Variants in UGT8 observed in about 807,000 individuals in gnomAD.
UGT8 encodes the protein 2-hydroxyacylsphingosine 1-beta-galactosyltransferase.
Under a neutral mutation model 40.5 loss-of-function variants are expected in UGT8, and 12 were observed. The ratio of observed to expected loss-of-function variants is 0.30; its 90% CI spans 0.19 to 0.48. The LOEUF is 0.48. Among genes scored for constraint, UGT8 ranks in the 20% least tolerant of loss-of-function variants. The pLI is 0.99. For missense variants in UGT8, 513 were observed against 648.7 expected (o/e 0.79, Z 2.27); for synonymous variants, 224 against 240.4 (o/e 0.93, Z 0.63).
chr4:114,651,628 G>A (rs909104353), intron 2 of UGT8, among the ~76,000 whole-genome samples: 1 of 152,058 alleles, frequency 6.6e-6, no homozygotes, highest in Non-Finnish European at 1.5e-5. Context: ...CATATGCAGA[G>A]AATCTGTCAT....
In UGT8 at chr4:114,649,114, G is replaced by T. The variant is rs74667782; in HGVS notation, c.823-14881G>T. 9.9e-5 allele frequency among the ~76,000 whole-genome samples: 15 copies of T among 152,268 alleles called. No homozygotes were observed. In the East Asian group the frequency reaches 2.7e-3, roughly 27 times the overall value. On this transcript the variant is annotated intron_variant, in intron 2 of 5. Coordinates refer to ENST00000310836, the MANE Select transcript of UGT8 (RefSeq NM_001128174.3). The stretch of plus-strand genomic sequence containing the variant: ...GGGGATAATATTGGATAGCATATTG[G>T]ATATGTAATTTCTGATCCCTAGGGT...
chr4:114,627,963 TA>T (rs770688973), intron 2 of UGT8, among the ~76,000 whole-genome samples: 2 of 152,186 alleles, frequency 1.3e-5, no homozygotes, highest in Admixed American at 6.6e-5. Context: ...TGGTACTCAA[TA>T]AAACTTTAAT....
chr4:114,674,892 A>G (rs7685604), intron 5 of UGT8, among the ~76,000 whole-genome samples: 152,089 of 152,360 alleles, frequency 1, 75,911 homozygotes, highest in Middle Eastern at 1. Flanking sequence ...GGATTTAGCC[A>G]TTTGTCAAAG....
chr4:114,604,909 G>A (rs1730648781), intron 1 of UGT8, among the ~76,000 whole-genome samples: 1 of 151,588 alleles, frequency 6.6e-6, no homozygotes, highest in African/African-American at 2.4e-5. Flanking sequence ...TTGTGTTTCA[G>A]TGCTTTTTTT....
At chr4:114,643,349 T>C (rs1308848679) in intron 2 of UGT8, among the ~76,000 whole-genome samples, 4 of 152,104 alleles carry the variant, frequency 2.6e-5, no homozygotes, top group Non-Finnish European at 4.4e-5. Context: ...GACTAATAAT[T>C]AGGCAGGACT....
intron 2 of UGT8, among the ~76,000 whole-genome samples, chr4:114,651,143 G>A (rs1733874625): frequency 6.6e-6 from 1 of 152,028 alleles, no homozygotes; most frequent in African/African-American, 2.4e-5. Flanking sequence ...ACCTTTGCCA[G>A]CATAGTTTTT....
chr4:114,675,970 A>C lies in UGT8; in HGVS notation c.1308A>C (p.Gln436His). ...AGCTTTCGGAAATTCACAAGGATCA[A>C]CCTGGTCACCCTGTCAATCGAACTA... The part of the protein sequence containing the change: ...AQKLSEIHKD[Q>H]PGHPVNRTIY... The change falls in exon 6 of 6, where the codon CAA becomes CAC. Residue 436 changes from glutamine to histidine, a missense_variant. By Grantham distance (24) the Gln-to-His change is conservative. Coordinates refer to ENST00000310836, the MANE Select transcript of UGT8 (RefSeq NM_001128174.3). 6.2e-7 allele frequency: 1 copy of C among 1,614,036 alleles called. No individual in the cohort carries two copies. Among genetic ancestry groups the C allele is most frequent in the East Asian group, 2.2e-5 (1 of 44,886 alleles).
At chr4:114,666,413 A>T (rs1219078100) in intron 4 of UGT8, among the ~76,000 whole-genome samples, 1 of 152,152 alleles carries the variant, frequency 6.6e-6, no homozygotes, top group Non-Finnish European at 1.5e-5. Flanking sequence ...ACTAAATTTA[A>T]CTAAAAACCA....
chr4:114,676,513 G>A lies in UGT8; in HGVS notation c.*225G>A. On this transcript the variant is annotated 3_prime_UTR_variant, in exon 6 of 6. Coordinates refer to ENST00000310836, the MANE Select transcript of UGT8 (RefSeq NM_001128174.3). ...TACTGATGTAGAGAGTTTTGGCACT[G>A]AACCTTTTAGAAGCCTTAATTATTT... 2.3e-6 allele frequency: 1 copy of A among 428,884 alleles called. No homozygotes were observed. The highest frequency in any genetic ancestry group is 4.1e-6 in the Non-Finnish European group (1 of 242,870). 26.6% of individuals were successfully genotyped at this position (428,884 alleles called of 1,614,324 possible). A position where few individuals can be genotyped will look rare whatever the true frequency, so the allele number is the denominator to read the frequency against.
intron 5 of UGT8, among the ~76,000 whole-genome samples, chr4:114,673,651 A>G (rs956338889): frequency 3.9e-5 from 6 of 152,384 alleles, no homozygotes; most frequent in Non-Finnish European, 8.8e-5. Flanking sequence ...ACACAGTGAC[A>G]TTAAGGTACC....
At chr4:114,631,811 C>G (rs1732596339) in intron 2 of UGT8, among the ~76,000 whole-genome samples, 1 of 152,136 alleles carries the variant, frequency 6.6e-6, no homozygotes, top group Non-Finnish European at 1.5e-5. Context: ...TAAAGATTTT[C>G]TCTGTTTTAG....
At position 114,677,300 on chromosome 4, in the gene UGT8, C is replaced by T. The variant is rs879903156; in HGVS notation, c.*1012C>T. 6 of 152,118 alleles carry T rather than the reference C, an allele frequency of 3.9e-5. No homozygotes were observed. Among genetic ancestry groups the T allele is most frequent in the Admixed American group, 3.9e-4 (6 of 15,264 alleles). The allele number at this position is 152,118 out of a possible 1,614,324, so 9.4% of individuals were successfully genotyped here. On this transcript the variant is annotated 3_prime_UTR_variant, in exon 6 of 6. Transcript: ENST00000310836. Reference sequence around the variant, plus strand: ...ACTTTTAAAAAACCATCTTCTGATCCCTTTTATTGTCTGGGCCATACAATC... The same window carrying T: ...ACTTTTAAAAAACCATCTTCTGATCTCTTTTATTGTCTGGGCCATACAATC...
chr4:114,653,237 C>T (rs1253347168), intron 2 of UGT8, among the ~76,000 whole-genome samples: 1 of 152,082 alleles, frequency 6.6e-6, no homozygotes, highest in Non-Finnish European at 1.5e-5. Context: ...TATTCATGCT[C>T]ATAAGATAGA....
At chr4:114,659,329 ATTACT>A (rs1488870050) in intron 2 of UGT8, among the ~76,000 whole-genome samples, 1 of 152,198 alleles carries the variant, frequency 6.6e-6, no homozygotes, top group Non-Finnish European at 1.5e-5. Flanking sequence ...GACATAGAAA[ATTACT>A]TTATAGCTAT....
At chr4:114,645,785 T>C (rs533268589) in intron 2 of UGT8, among the ~76,000 whole-genome samples, 30 of 152,284 alleles carry the variant, frequency 2.0e-4, no homozygotes, top group African/African-American at 6.0e-4. Context: ...GATACACATG[T>C]ATGGCTTCTA....
intron 1 of UGT8, among the ~76,000 whole-genome samples, chr4:114,606,897 C>G (rs1051328609): frequency 6.6e-6 from 1 of 152,020 alleles, no homozygotes; most frequent in African/African-American, 2.4e-5. Context: ...TTAAAACAAA[C>G]AAAAAACCCC....
At chr4:114,630,101 T>G (rs1732478035) in intron 2 of UGT8, among the ~76,000 whole-genome samples, 1 of 152,022 alleles carries the variant, frequency 6.6e-6, no homozygotes, top group Non-Finnish European at 1.5e-5. Flanking sequence ...AAAGGGTTTG[T>G]CAGATCTATT....
chr4:114,636,292 A>C (rs1009023860), intron 2 of UGT8, among the ~76,000 whole-genome samples: 4 of 152,230 alleles, frequency 2.6e-5, no homozygotes, highest in Non-Finnish European at 1.5e-5. Context: ...CCAGTATTTG[A>C]GTACTTTTGT....
At chr4:114,601,935 C>T (rs1730468488) in intron 1 of UGT8, among the ~76,000 whole-genome samples, 1 of 151,572 alleles carries the variant, frequency 6.6e-6, no homozygotes, top group South Asian at 2.1e-4. Flanking sequence ...TCTTTTTTTC[C>T]ATCAAATGAT....
Sources: gnomAD v4.1 joint callset for allele counts (sites outside exome capture counted in the v4.1 genomes callset) on GRCh38, gnomAD v4.1.1 for gene constraint, MANE v1.5 for transcripts, NCBI Gene and HGNC (gene_info 2026-07-23, HGNC 2026-07-21) for gene names.